Variants in SAMD12 observed in about 807,000 individuals in gnomAD.
SAMD12 encodes sterile alpha motif domain containing 12, also known as sterile alpha motif domain-containing protein 12.
In SAMD12, 9 loss-of-function variants were observed where a neutral mutation model predicts 15.0. That is an observed-to-expected ratio of 0.60 (90% CI 0.36 to 1.05). The LOEUF (loss-of-function observed/expected upper bound fraction) is 1.05, where lower values mean the gene tolerates loss of function less well. Among genes scored for constraint, SAMD12 ranks in the 50% least tolerant of loss-of-function variants. SAMD12 has a pLI of 0.01. For synonymous variants in SAMD12, 86 were observed against 90.1 expected (o/e 0.96, Z 0.25); for missense variants, 230 against 234.2 (o/e 0.98, Z 0.12).
intron 2 of SAMD12, among the ~76,000 whole-genome samples, chr8:118,521,396 G>A (rs569816728): frequency 6.6e-6 from 1 of 152,280 alleles, no homozygotes. Flanking sequence ...GTAGGATTTT[G>A]TATTAGAGAC....
chr8:118,377,835 G>C (rs1474945345), downstream of SAMD12, among the ~76,000 whole-genome samples: 1 of 152,128 alleles, frequency 6.6e-6, no homozygotes, highest in Admixed American at 6.6e-5. Flanking sequence ...AGAATGAGCT[G>C]CAAAAACCAG....
At chr8:118,549,925 T>C (rs1443963381) in intron 2 of SAMD12, among the ~76,000 whole-genome samples, 1 of 151,754 alleles carries the variant, frequency 6.6e-6, no homozygotes, top group South Asian at 2.1e-4. Context: ...AAAAAGGGTA[T>C]CAGCAATGGA....
chr8:118,384,314 C>T (rs1419701286), intron 3 of SAMD12, among the ~76,000 whole-genome samples: 4 of 152,102 alleles, frequency 2.6e-5, no homozygotes, highest in Admixed American at 2.0e-4. Context: ...GCAAGGATAA[C>T]TTGGGCATGA....
rs548555594 is a variant in SAMD12, at chr8:118,310,083, T to C, written c.433+69477A>G. Among the ~76,000 whole-genome samples, 6 of 152,344 alleles carry C rather than the reference T, an allele frequency of 3.9e-5. No individual in the cohort carries two copies. In the East Asian group the frequency reaches 1.2e-3, roughly 29 times the overall value. ...CAAGAATGAGGACAGGAAGAGGCAC[T>C]AACACTTTTGCTGATGCTGTTTTTC... On this transcript the variant is annotated intron_variant, in intron 4 of 4. Coordinates refer to the SAMD12 transcript ENST00000409003.
chr8:118,236,346 T>C (rs1393993871), intron 4 of SAMD12, among the ~76,000 whole-genome samples: 2 of 152,182 alleles, frequency 1.3e-5, no homozygotes, highest in Non-Finnish European at 2.9e-5. Flanking sequence ...CAGTTCAACT[T>C]GCTAAATAAT....
chr8:118,210,079 T>TC (rs1269428693), intron 4 of SAMD12, among the ~76,000 whole-genome samples: 1 of 152,188 alleles, frequency 6.6e-6, no homozygotes, highest in Non-Finnish European at 1.5e-5. Flanking sequence ...TTTTATTCTG[T>TC]CAGGGTCCAG....
intron 1 of SAMD12, among the ~76,000 whole-genome samples, chr8:118,596,085 G>A (rs1276805826): frequency 6.6e-6 from 1 of 152,166 alleles, no homozygotes; most frequent in Non-Finnish European, 1.5e-5. Flanking sequence ...GCATACCCAG[G>A]ATTGTTGTTG....
intron 2 of SAMD12, among the ~76,000 whole-genome samples, chr8:118,449,798 C>CAAAAAA (rs35279962): frequency 1.1e-4 from 8 of 72,436 alleles, no homozygotes; most frequent in African/African-American, 3.5e-4. Flanking sequence ...GAGACTGTCT[C>CAAAAAA]AAAAAAAAAA....
At chr8:118,210,982 C>A (rs979493378) in intron 4 of SAMD12, among the ~76,000 whole-genome samples, 2 of 152,204 alleles carry the variant, frequency 1.3e-5, no homozygotes, top group South Asian at 4.1e-4. Context: ...CAACAAATAA[C>A]CCCTGCCCTT....
rs927646788 is a variant in SAMD12 at position 118,427,292 on chromosome 8, T to C, written c.322+12540A>G. Among the ~76,000 whole-genome samples, 6 of 152,176 alleles carry C rather than the reference T, an allele frequency of 3.9e-5. No homozygotes were observed. In the South Asian group the frequency reaches 8.3e-4, roughly 21 times the overall value. ...GTTCATCTTTTCATTTTAAGAATGG[T>C]ATGTAGTTTAAAAAATGGAAAAGTA... On this transcript the variant is annotated intron_variant, in intron 3 of 3. Coordinates refer to ENST00000314727, the MANE Select transcript of SAMD12 (RefSeq NM_207506.3).
chr8:118,479,759 C>T (rs1824071050), intron 2 of SAMD12, among the ~76,000 whole-genome samples: 1 of 141,902 alleles, frequency 7.0e-6, no homozygotes, highest in Non-Finnish European at 1.5e-5. Context: ...CTTACTCTTT[C>T]CCTGCCATGA....
chr8:118,190,932 T>A (rs531535941), exon 5 of SAMD12: 2 of 152,290 alleles, frequency 1.3e-5, no homozygotes, highest in East Asian at 3.9e-4. Flanking sequence ...CCACAACAGA[T>A]CGATATTTTC....
chr8:118,329,031 G>A (rs1816689693), intron 4 of SAMD12, among the ~76,000 whole-genome samples: 1 of 152,180 alleles, frequency 6.6e-6, no homozygotes, highest in Non-Finnish European at 1.5e-5. Flanking sequence ...CACGTAAACA[G>A]CCTCGAATTG....
At chr8:118,502,948 C>T (rs1824826617) in intron 2 of SAMD12, among the ~76,000 whole-genome samples, 1 of 152,154 alleles carries the variant, frequency 6.6e-6, no homozygotes, top group Admixed American at 6.5e-5. Flanking sequence ...GAAGTTCACG[C>T]CAAAACAATA....
At chr8:118,597,478 T>C (rs1047926043) in intron 1 of SAMD12, among the ~76,000 whole-genome samples, 1 of 152,176 alleles carries the variant, frequency 6.6e-6, no homozygotes, top group Admixed American at 6.5e-5. Flanking sequence ...TTCAAACACA[T>C]GACCTAGACA....
chr8:118,607,064 T>A (rs1243946010), intron 1 of SAMD12, among the ~76,000 whole-genome samples: 1 of 152,020 alleles, frequency 6.6e-6, no homozygotes, highest in African/African-American at 2.4e-5. Flanking sequence ...GAAAATTATA[T>A]CCTCTCCTGA....
intron 4 of SAMD12, among the ~76,000 whole-genome samples, chr8:118,273,498 T>C (rs920282090): frequency 6.6e-6 from 1 of 152,134 alleles, no homozygotes; most frequent in Non-Finnish European, 1.5e-5. Flanking sequence ...TATATAAGTT[T>C]CCCCACTGAA....
intron 4 of SAMD12, among the ~76,000 whole-genome samples, chr8:118,249,270 C>T (rs541441951): frequency 6.6e-6 from 1 of 152,230 alleles, no homozygotes; most frequent in Admixed American, 6.5e-5. Context: ...AGTACTCTTC[C>T]ATTACTGCTC....
chr8:118,370,197 T>C (rs554142789), intron 4 of SAMD12, among the ~76,000 whole-genome samples: 1 of 152,154 alleles, frequency 6.6e-6, no homozygotes, highest in South Asian at 2.1e-4. Context: ...TCAACATCAC[T>C]GATCATTAGA....
Sources: allele counts gnomAD v4.1 joint callset (sites outside exome capture counted in the v4.1 genomes callset), GRCh38; gene constraint gnomAD v4.1.1; transcripts MANE v1.5; gene names NCBI Gene and HGNC (gene_info 2026-07-23, HGNC 2026-07-21).